C5orf24: variants seen among roughly 807,000 people sequenced by gnomAD.
The protein encoded by C5orf24 is chromosome 5 open reading frame 24, also known as UPF0461 protein C5orf24.
A neutral mutation model predicts 9.8 loss-of-function variants in C5orf24; 4 were observed. The observed-to-expected ratio is 0.41, with a 90% CI of 0.20 to 0.93. The LOEUF (loss-of-function observed/expected upper bound fraction) is 0.93, where lower values mean the gene tolerates loss of function less well. Among genes scored for constraint, C5orf24 ranks in the 40% least tolerant of loss-of-function variants. The pLI, the probability that C5orf24 is intolerant of heterozygous loss-of-function variation, is 0.33. For missense variants in C5orf24, 170 were observed against 236.9 expected (o/e 0.72, Z 1.85); for synonymous variants, 73 against 81.3 (o/e 0.90, Z 0.55).
At chr5:134,844,855 A>T (rs376234843), upstream of C5orf24, among the ~76,000 whole-genome samples, 5 of 152,306 alleles carry the variant, frequency 3.3e-5, no homozygotes, top group East Asian at 9.7e-4. Context: ...CTCCTGCCTC[A>T]GCCTTCCGAG....
chr5:134,846,104 C>G lies in C5orf24; in HGVS notation c.-112C>G, dbSNP rs1184827603. ...CTGCCACTCCGTCTTGGCCCGTTCTCCGCACCGTGCAGAGGCGGCGGGCTG... is the reference window on the plus strand; with the variant it reads ...CTGCCACTCCGTCTTGGCCCGTTCTGCGCACCGTGCAGAGGCGGCGGGCTG... On this transcript the variant is annotated 5_prime_UTR_variant, in exon 1 of 2. Transcript: ENST00000394976. 1 of 152,258 alleles carries G rather than the reference C, an allele frequency of 6.6e-6. No individual in the cohort carries two copies. The highest frequency in any genetic ancestry group is 1.5e-5 in the Non-Finnish European group (1 of 68,076). 9.4% of individuals were successfully genotyped at this position (152,258 alleles called of 1,614,324 possible). A position where few individuals can be genotyped will look rare whatever the true frequency, so the allele number is the denominator to read the frequency against.
At position 134,855,993 on chromosome 5, in the gene C5orf24, G is replaced by A. The variant is rs1364402907; in HGVS notation, c.*526G>A. On this transcript the variant is annotated 3_prime_UTR_variant, in exon 2 of 2. Coordinates refer to ENST00000394976, the MANE Select transcript of C5orf24 (RefSeq NM_001135586.1). ...TTTGGCATTTACATCCACTTCAAATGTTAAAAAACTTATTTTTAATGTTTT... is the reference window on the plus strand; with the variant it reads ...TTTGGCATTTACATCCACTTCAAATATTAAAAAACTTATTTTTAATGTTTT... 1.0e-6 allele frequency: 1 copy of A among 1,001,650 alleles called. No individual in the cohort carries two copies. The highest frequency in any genetic ancestry group is 1.2e-6 in the Non-Finnish European group (1 of 831,158). The allele number at this position is 1,001,650 out of a possible 1,614,324, so 62.0% of individuals were successfully genotyped here.
intron 1 of C5orf24, among the ~76,000 whole-genome samples, chr5:134,852,510 A>C (rs1440734284): frequency 6.6e-6 from 1 of 152,198 alleles, no homozygotes; most frequent in African/African-American, 2.4e-5. Flanking sequence ...AACTAAAGTA[A>C]GTTTACAGTG....
intron 1 of C5orf24, among the ~76,000 whole-genome samples, chr5:134,853,945 T>G (rs1352441576): frequency 2.0e-5 from 3 of 152,100 alleles, no homozygotes; most frequent in Non-Finnish European, 4.4e-5. Context: ...CCGAACATGG[T>G]GGCAGGCACC....
chr5:134,844,269 A>G (rs1755941427), upstream of C5orf24, among the ~76,000 whole-genome samples: 1 of 152,188 alleles, frequency 6.6e-6, no homozygotes, highest in South Asian at 2.1e-4. Context: ...CTGTGTACAT[A>G]TTTTAACTTT....
At chr5:134,838,601 C>T in the C5orf24 span, among the ~76,000 whole-genome samples, 1 of 152,042 alleles carries the variant, frequency 6.6e-6, no homozygotes, top group Non-Finnish European at 1.5e-5. Context: ...GAGATCACGC[C>T]ACCACATTCC....
chr5:134,853,944 G>T lies in C5orf24; in HGVS notation c.-3-954G>T, dbSNP rs527285217. On this transcript the variant is annotated intron_variant, in intron 1 of 1. Transcript: ENST00000394976. ...AAAGTACAAAAATTAGCCGAACATG[G>T]TGGCAGGCACCTGTAGTCCCAGCTA... Among the ~76,000 whole-genome samples the T allele has an allele frequency of 5.9e-5, 9 of 152,244 alleles. No homozygotes were observed. The East Asian group carries it at 1.7e-3, about 29-fold the overall frequency.
the C5orf24 span, among the ~76,000 whole-genome samples, chr5:134,839,847 C>A: frequency 6.6e-6 from 1 of 152,052 alleles, no homozygotes; most frequent in African/African-American, 2.4e-5. Context: ...GCCACCATGC[C>A]TGGCTAATTT....
upstream of C5orf24, among the ~76,000 whole-genome samples, chr5:134,844,419 G>A (rs1755943590): frequency 6.6e-6 from 1 of 151,796 alleles, no homozygotes; most frequent in African/African-American, 2.4e-5. Flanking sequence ...GCTTAAGGAA[G>A]CCTCAGTCTC....
At chr5:134,852,970 C>G (rs544689653) in intron 1 of C5orf24, among the ~76,000 whole-genome samples, 10 of 152,216 alleles carry the variant, frequency 6.6e-5, no homozygotes, top group Admixed American at 5.9e-4. Context: ...TCAAGACCAT[C>G]CTGGCTAACA....
intron 1 of C5orf24, among the ~76,000 whole-genome samples, chr5:134,854,667 T>A (rs1403917164): frequency 1.3e-5 from 2 of 152,206 alleles, no homozygotes; most frequent in East Asian, 3.8e-4. Context: ...AAATCAGTAT[T>A]ATAATAGAGT....
chr5:134,837,861 A>C, the C5orf24 span, among the ~76,000 whole-genome samples: 2 of 151,788 alleles, frequency 1.3e-5, no homozygotes, highest in African/African-American at 4.9e-5. Context: ...ATTGATATAA[A>C]GCTATATATT....
chr5:134,854,982 G>A lies in C5orf24; in HGVS notation c.82G>A (p.Ala28Thr), dbSNP rs1469274800. 6.2e-7 allele frequency: 1 copy of A among 1,614,024 alleles called. No individual in the cohort carries two copies. Among genetic ancestry groups the A allele is most frequent in the Non-Finnish European group, 8.5e-7 (1 of 1,180,032 alleles). The change falls in exon 2 of 2, where the codon GCT becomes ACT. Residue 28 changes from alanine to threonine, a missense_variant. Physicochemically the swap from Ala to Thr is moderately conservative, Grantham distance 58. Transcript: ENST00000394976. The stretch of plus-strand genomic sequence containing the variant: ...CTGCCTCAATGAAGATGCCATGAGA[G>A]CTGCTGATCAGTTTGACATATATTC... ...PSCLNEDAMR[A>T]ADQFDIYSSQ...
In C5orf24 at chr5:134,857,311, A is replaced by C; in HGVS notation, c.*1844A>C. The C allele has an allele frequency of 3.3e-6, 5 of 1,531,382 alleles. No individual in the cohort carries two copies. The highest frequency in any genetic ancestry group is 4.4e-6 in the Non-Finnish European group (5 of 1,135,032). The allele number at this position is 1,531,382 out of a possible 1,614,324, so 94.9% of individuals were successfully genotyped here. ...GTTTTTTGGGCTTGCTATTAATGCA[A>C]ACTCTGATTGCAAATGGATGTCATG... is the stretch of plus-strand genomic sequence containing the variant. On this transcript the variant is annotated 3_prime_UTR_variant, in exon 2 of 2. Coordinates refer to ENST00000394976, the MANE Select transcript of C5orf24 (RefSeq NM_001135586.1).
At chr5:134,836,372 C>T in the C5orf24 span, among the ~76,000 whole-genome samples, 2 of 151,978 alleles carry the variant, frequency 1.3e-5, no homozygotes, top group Non-Finnish European at 2.9e-5. Flanking sequence ...AAGGTTTTAC[C>T]ATGTTGGTCA....
In C5orf24 at chr5:134,856,621, A is replaced by C; in HGVS notation, c.*1154A>C. On this transcript the variant is annotated 3_prime_UTR_variant, in exon 2 of 2. Coordinates refer to ENST00000394976, the MANE Select transcript of C5orf24 (RefSeq NM_001135586.1). ...GTGCCACTGCACTCCAGCCTGGGTGACAGAGTAAGACTCCGTCTCAAATAA... is the reference window on the plus strand; with the variant it reads ...GTGCCACTGCACTCCAGCCTGGGTGCCAGAGTAAGACTCCGTCTCAAATAA... 1 of 694,806 alleles carries C rather than the reference A, an allele frequency of 1.4e-6. No homozygotes were observed. Among genetic ancestry groups the C allele is most frequent in the Non-Finnish European group, 1.8e-6 (1 of 551,684 alleles). 43.0% of individuals were successfully genotyped at this position (694,806 alleles called of 1,614,324 possible).
At chr5:134,849,367 A>G (rs1254068452) in intron 1 of C5orf24, among the ~76,000 whole-genome samples, 3 of 152,204 alleles carry the variant, frequency 2.0e-5, no homozygotes, top group African/African-American at 7.2e-5. Context: ...AAACATAAAT[A>G]TGCTGCATGT....
At chr5:134,841,140 C>T (rs897134908), upstream of C5orf24, among the ~76,000 whole-genome samples, 8 of 152,118 alleles carry the variant, frequency 5.3e-5, no homozygotes, top group East Asian at 3.8e-4. Context: ...CCCTCTACAT[C>T]GTAGAAGGGC....
In C5orf24 at chr5:134,855,313, C is replaced by T. The variant is rs773586383; in HGVS notation, c.413C>T (p.Pro138Leu). ...AAAGCTGCGGGATACAAAGTCAGCC[C>T]AGGCAGACCTCCAGGTAGCATTAAA... ...TTKAAGYKVS[P>L]GRPPGSIKAL... Residue 138 changes from proline (P) to leucine (L), a missense_variant, in exon 2 of 2, where the codon CCA (proline) becomes CTA (leucine). By Grantham distance (98) the Pro-to-Leu change is moderately conservative (BLOSUM62 -3). Around this residue, in one of 3 missense-constraint regions of C5orf24, gnomAD observed 21 missense variants for 72.2 expected, o/e 0.29. Coordinates refer to ENST00000394976, the MANE Select transcript of C5orf24 (RefSeq NM_001135586.1). 1.2e-6 allele frequency: 2 copies of T among 1,614,126 alleles called. No individual in the cohort carries two copies. Among genetic ancestry groups the T allele is most frequent in the Non-Finnish European group, 1.7e-6 (2 of 1,180,038 alleles).
Sources: allele counts gnomAD v4.1 joint callset (sites outside exome capture counted in the v4.1 genomes callset), GRCh38; gene constraint gnomAD v4.1.1; regional missense constraint gnomAD v4.1.1; transcripts MANE v1.5; gene names NCBI Gene and HGNC (gene_info 2026-07-23, HGNC 2026-07-21).